Variants in ASB13 observed in about 807,000 individuals in gnomAD.
ASB13 encodes ankyrin repeat and SOCS box protein 13.
In ASB13, 33 loss-of-function variants were observed where a neutral mutation model predicts 28.8. The ratio of observed to expected loss-of-function variants is 1.15; its 90% CI spans 0.87 to 1.53. The LOEUF is 1.53. Ranked by LOEUF, ASB13 falls within the 40% of genes most tolerant of loss-of-function variation. ASB13 has a pLI of 0.00. For synonymous variants in ASB13, 182 were observed against 172.9 expected, an observed-to-expected ratio of 1.05 and a Z score of -0.41; for missense variants, 414 against 390.1, an observed-to-expected ratio of 1.06 and a Z score of -0.52.
intron 1 of ASB13, among the ~76,000 whole-genome samples, chr10:5,666,228 G>C (rs985562702): frequency 6.6e-5 from 10 of 151,032 alleles, no homozygotes; most frequent in African/African-American, 2.4e-4. Flanking sequence ...CGCGGCGCTC[G>C]GTGGGTTTGC....
In ASB13 at chr10:5,655,252, C is replaced by G. The variant is rs1201354271; in HGVS notation, c.44-2202G>C. On this transcript the variant is annotated intron_variant, in intron 1 of 5. Coordinates refer to ENST00000357700, the MANE Select transcript of ASB13 (RefSeq NM_024701.4). The surrounding 1 kb of genome is among the most constrained non-coding windows in gnomAD (Gnocchi z 6.2). ...CACTGAGTACAGGGTTAAGAGTTCC[C>G]TGGAGCCACAACTGCTCAGAACTGC... Among the ~76,000 whole-genome samples the G allele has an allele frequency of 1.3e-5, 2 of 152,200 alleles. No homozygotes were observed. The highest frequency in any genetic ancestry group is 2.4e-5 in the African/African-American group (1 of 41,440).
rs554419514 is a variant in ASB13 at position 5,660,677 on chromosome 10, T to A, written c.43+5832A>T. 6.6e-6 allele frequency among the ~76,000 whole-genome samples: 1 copy of A among 152,292 alleles called. No homozygotes were observed. The highest frequency in any genetic ancestry group is 6.5e-5 in the Admixed American group (1 of 15,300). On this transcript the variant is annotated intron_variant, in intron 1 of 5. Coordinates refer to ENST00000357700, the MANE Select transcript of ASB13 (RefSeq NM_024701.4). This position sits in a 1 kb window ranked among gnomAD's most constrained non-coding sequence, Gnocchi z 6.1. The stretch of plus-strand genomic sequence containing the variant: ...TGCCATGGCTCCAGGATCATTGCTG[T>A]CATTATTACCCTACCAGTCCTGTGG...
intron 1 of ASB13, among the ~76,000 whole-genome samples, chr10:5,657,914 G>A (rs552921925): frequency 3.9e-5 from 6 of 152,248 alleles, no homozygotes; most frequent in South Asian, 4.2e-4. Context: ...TTGGGAGGCC[G>A]AGGCGGGCAG....
rs1021759176 is a variant in ASB13, at chr10:5,651,539, G to A, written c.232-176C>T. Reference sequence around the variant, plus strand: ...TAGCACGTGGCTGCGGAGCACCGACGGCCTCCTGAGTAGAGAAGTCATCTC... The same window carrying A: ...TAGCACGTGGCTGCGGAGCACCGACAGCCTCCTGAGTAGAGAAGTCATCTC... On this transcript the variant is annotated intron_variant, in intron 2 of 5. Transcript: ENST00000357700. This position sits in a 1 kb window ranked among gnomAD's most constrained non-coding sequence, Gnocchi z 5.1. 28 of 649,282 alleles carry A rather than the reference G, an allele frequency of 4.3e-5. No homozygotes were observed. Among genetic ancestry groups the A allele is most frequent in the African/African-American group, 2.4e-4 (13 of 54,142 alleles). 40.2% of individuals were successfully genotyped at this position (649,282 alleles called of 1,614,324 possible).
chr10:5,651,183 C>T lies in ASB13; in HGVS notation c.382+30G>A. On this transcript the variant is annotated intron_variant, in intron 3 of 5. Transcript: ENST00000357700. The surrounding 1 kb of genome is among the most constrained non-coding windows in gnomAD (Gnocchi z 5.1). ...AAAGGAGGAAACTTCCAGAGCCCAG[C>T]TGGGCCAGCCCAGCCGTCTGCCAAC... The T allele has an allele frequency of 6.3e-7, 1 of 1,575,976 alleles. No individual in the cohort carries two copies. Among genetic ancestry groups the T allele is most frequent in the Non-Finnish European group, 8.6e-7 (1 of 1,159,854 alleles).
intron 4 of ASB13, among the ~76,000 whole-genome samples, chr10:5,648,619 T>TA (rs1226623165): frequency 9.6e-6 from 1 of 104,414 alleles, no homozygotes; most frequent in Non-Finnish European, 2.0e-5. Flanking sequence ...CCCACGGGGG[T>TA]AAACAACCAC....
rs749285687 is a variant in ASB13 at position 5,660,119 on chromosome 10, C to A, written c.43+6390G>T. Among the ~76,000 whole-genome samples the A allele has an allele frequency of 6.6e-6, 1 of 152,216 alleles. No individual in the cohort carries two copies. The highest frequency in any genetic ancestry group is 1.5e-5 in the Non-Finnish European group (1 of 68,024). On this transcript the variant is annotated intron_variant, in intron 1 of 5. Transcript: ENST00000357700. This position sits in a 1 kb window ranked among gnomAD's most constrained non-coding sequence, Gnocchi z 6.1. ...CACTATGGCTCCTCCTGTTTACCTGCCGCCTGCAGGCCTGAGCTCATGAAT... is the reference window on the plus strand; with the variant it reads ...CACTATGGCTCCTCCTGTTTACCTGACGCCTGCAGGCCTGAGCTCATGAAT...
rs1405990499 is a variant in ASB13, at chr10:5,656,521, C to G, written c.44-3471G>C. The stretch of plus-strand genomic sequence containing the variant: ...ACCATTGCATTCCAGCCTGGGCAAC[C>G]GAGCAAGACTCCGTCTCAAGAAAAA... On this transcript the variant is annotated intron_variant, in intron 1 of 5. Transcript: ENST00000357700. This position sits in a 1 kb window ranked among gnomAD's most constrained non-coding sequence, Gnocchi z 4.3. Among the ~76,000 whole-genome samples the G allele has an allele frequency of 6.9e-6, 1 of 145,938 alleles. No individual in the cohort carries two copies. Among genetic ancestry groups the G allele is most frequent in the Non-Finnish European group, 1.5e-5 (1 of 67,018 alleles).
rs1392029687 is a variant in ASB13 at position 5,640,050 on chromosome 10, C to G, written c.*653G>C. 6.5e-6 allele frequency: 1 copy of G among 152,684 alleles called. No individual in the cohort carries two copies. Among genetic ancestry groups the G allele is most frequent in the Non-Finnish European group, 1.5e-5 (1 of 68,092 alleles). 9.5% of individuals were successfully genotyped at this position (152,684 alleles called of 1,614,324 possible). On this transcript the variant is annotated 3_prime_UTR_variant, in exon 6 of 6. Transcript: ENST00000357700. The stretch of plus-strand genomic sequence containing the variant: ...AACTCAGTGCTACTTGTGGGGAATA[C>G]AAAGCCAGGGCCTTCCCCCACAAAG...
At chr10:5,646,500 G>A (rs539564590) in intron 4 of ASB13, among the ~76,000 whole-genome samples, 1 of 152,312 alleles carries the variant, frequency 6.6e-6, no homozygotes, top group South Asian at 2.1e-4. Flanking sequence ...ACCTTGCTCA[G>A]GGAGGCCGGA....
chr10:5,666,442 G>T, intron 1 of ASB13, 67 bp downstream of exon 1: 1 of 1,232,810 alleles, frequency 8.1e-7, no homozygotes, highest in Non-Finnish European at 1.0e-6. Flanking sequence ...CAGGCCATCG[G>T]ATACGCGGCC....
intron 1 of ASB13, 121 bp from the exon 2 acceptor site, chr10:5,653,171 C>T (rs1009812089): frequency 9.4e-7 from 1 of 1,064,786 alleles, no homozygotes; most frequent in African/African-American, 1.6e-5. Context: ...TGCAATTGTC[C>T]CAGCACTTCT....
In ASB13 at chr10:5,666,492, G is replaced by C; in HGVS notation, c.43+17C>G. 6.9e-6 allele frequency: 9 copies of C among 1,295,342 alleles called. No individual in the cohort carries two copies. The highest frequency in any genetic ancestry group is 8.9e-6 in the Non-Finnish European group (9 of 1,016,056). The allele number at this position is 1,295,342 out of a possible 1,614,324, so 80.2% of individuals were successfully genotyped here. ...GCGCCGCTGCCTCGCTCTGACCTCC[G>C]CGGCGCCCGCACGTACCCACGTCGC... On this transcript the variant is annotated intron_variant, in intron 1 of 5. Coordinates refer to ENST00000357700, the MANE Select transcript of ASB13 (RefSeq NM_024701.4).
At chr10:5,662,723 G>A (rs1344286211) in intron 1 of ASB13, among the ~76,000 whole-genome samples, 1 of 144,574 alleles carries the variant, frequency 6.9e-6, no homozygotes, top group Non-Finnish European at 1.5e-5. Context: ...CCACACACAA[G>A]TGACGGTAAG....
At position 5,663,385 on chromosome 10, in the gene ASB13, CT is replaced by C. The variant is rs1302333440; in HGVS notation, c.43+3123del. Among the ~76,000 whole-genome samples, 1 of 152,178 alleles carries C rather than the reference CT, an allele frequency of 6.6e-6. No individual in the cohort carries two copies. The highest frequency in any genetic ancestry group is 1.5e-5 in the Non-Finnish European group (1 of 68,042). ...GCATTATCCTTCAATGTCTCCTCCC[CT>C]GACTCCCTCATCACTCACCCAATTA... On this transcript the variant is annotated intron_variant, in intron 1 of 5. Coordinates refer to ENST00000357700, the MANE Select transcript of ASB13 (RefSeq NM_024701.4). This position sits in a 1 kb window ranked among gnomAD's most constrained non-coding sequence, Gnocchi z 4.9.
rs138626467 is a variant in ASB13 at position 5,648,982 on chromosome 10, G to C, written c.505C>G (p.Leu169Val). ...AREHLDCVKV[L>V]LNAGANVNAA... Reference sequence around the variant, plus strand: ...AACACCCACTCACCTGCATTGAGCAGCACTTTGACACAGTCCAGATGCTCC... The same window carrying C: ...AACACCCACTCACCTGCATTGAGCACCACTTTGACACAGTCCAGATGCTCC... Residue 169 changes from leucine (L) to valine (V), a missense_variant, in exon 4 of 6, where the codon CTG becomes GTG. Transcript: ENST00000357700. The C allele has an allele frequency of 1.9e-6, 3 of 1,613,964 alleles. No homozygotes were observed. Among genetic ancestry groups the C allele is most frequent in the Non-Finnish European group, 2.5e-6 (3 of 1,180,032 alleles).
intron 4 of ASB13, among the ~76,000 whole-genome samples, chr10:5,646,054 C>T (rs951169668): frequency 3.9e-5 from 6 of 152,198 alleles, no homozygotes; most frequent in African/African-American, 1.4e-4. Flanking sequence ...CTACCCACAG[C>T]ATCGAGCCAA....
Position 5,652,026 on chromosome 10 carries a change from CCACACACACACACACACACA to C in ASB13, c.232-683_232-664del, listed in dbSNP as rs5782851. 1.7e-5 allele frequency among the ~76,000 whole-genome samples: 1 copy of C among 59,150 alleles called. No homozygotes were observed. Among genetic ancestry groups the C allele is most frequent in the Non-Finnish European group, 3.0e-5 (1 of 33,046 alleles). 38.8% of individuals were successfully genotyped at this position (59,150 alleles called of 152,430 possible). On this transcript the variant is annotated intron_variant, in intron 2 of 5. Coordinates refer to ENST00000357700, the MANE Select transcript of ASB13 (RefSeq NM_024701.4). This position sits in a 1 kb window ranked among gnomAD's most constrained non-coding sequence, Gnocchi z 5.0. The stretch of plus-strand genomic sequence containing the variant: ...CAAAAAAAAAAAAAAAAAAAAAAAA[CCACACACACACACACACACA>C]CACACACACACACACAAAACTCTAA...
In ASB13 at chr10:5,656,513, TG is replaced by T. The variant is rs1456697009; in HGVS notation, c.44-3464del. 6.7e-6 allele frequency among the ~76,000 whole-genome samples: 1 copy of T among 148,342 alleles called. No homozygotes were observed. Among genetic ancestry groups the T allele is most frequent in the Non-Finnish European group, 1.5e-5 (1 of 67,584 alleles). ...GAGATCGCACCATTGCATTCCAGCC[TG>T]GGCAACCGAGCAAGACTCCGTCTCA... On this transcript the variant is annotated intron_variant, in intron 1 of 5. Transcript: ENST00000357700. This position sits in a 1 kb window ranked among gnomAD's most constrained non-coding sequence, Gnocchi z 4.3.
Sources: gnomAD v4.1 joint callset for allele counts (sites outside exome capture counted in the v4.1 genomes callset) on GRCh38, gnomAD v4.1.1 for gene constraint, Gnocchi (gnomAD v3.1) non-coding constraint, MANE v1.5 for transcripts, NCBI Gene and HGNC (gene_info 2026-07-23, HGNC 2026-07-21) for gene names.